The following MYH7 variants were observed in gnomAD, a reference collection of about 807,000 sequenced individuals.
MYH7 encodes the protein myosin-7.
MYH7 carries 129 observed loss-of-function variants against 225.4 expected under a neutral mutation model. The observed-to-expected ratio is 0.57, with a 90% CI of 0.50 to 0.66. The LOEUF (loss-of-function observed/expected upper bound fraction) is 0.66, where lower values mean the gene tolerates loss of function less well. Among genes scored for constraint, MYH7 ranks in the 30% least tolerant of loss-of-function variants. The pLI, the probability that MYH7 is intolerant of heterozygous loss-of-function variation, is 0.00. For synonymous variants in MYH7, 971 were observed against 1,007.6 expected (o/e 0.96, Z 0.69); for missense variants, 1,649 against 2,517.0 (o/e 0.66, Z 7.38).
intron 37 of MYH7, 61 bp downstream of exon 37, chr14:23,414,934 C>A: frequency 6.2e-7 from 1 of 1,600,414 alleles, no homozygotes; most frequent in Non-Finnish European, 8.5e-7. Flanking sequence ...TCATTCTCCT[C>A]AGCTGGTTGT....
At chr14:23,416,452 A>G (rs374672863) in intron 33 of MYH7, 140 bp from the exon 34 acceptor site, 21 of 973,480 alleles carry the variant, frequency 2.2e-5, no homozygotes, top group Admixed American at 8.4e-5. Context: ...GGAGGAAAAG[A>G]GAATCTAAGA....
chr14:23,430,184 G>A lies in MYH7; in HGVS notation c.1000-271C>T, dbSNP rs114902017. ...CTGAGTTACCCACTTATGCTTCCTGGCCCTACACTTGCTTCCTGCCTGGCC... is the reference window on the plus strand; with the variant it reads ...CTGAGTTACCCACTTATGCTTCCTGACCCTACACTTGCTTCCTGCCTGGCC... On this transcript the variant is annotated intron_variant, in intron 11 of 39. Coordinates refer to ENST00000355349, the MANE Select transcript of MYH7 (RefSeq NM_000257.4). Among the ~76,000 whole-genome samples the A allele has an allele frequency of 9.2e-3, 1,404 of 152,178 alleles. 20 individuals carry two copies. The highest frequency in any genetic ancestry group is 0.032 in the African/African-American group (1,334 of 41,524).
At position 23,433,630 on chromosome 14, in the gene MYH7, T is replaced by C; in HGVS notation, c.103A>G (p.Lys35Glu). The change falls in exon 3 of 40, where the codon AAG (lysine) becomes GAG (glutamate). Residue 35 changes from lysine to glutamate, a missense_variant. By Grantham distance (56) the Lys-to-Glu change is moderately conservative (BLOSUM62 1). Coordinates refer to ENST00000355349, the MANE Select transcript of MYH7 (RefSeq NM_000257.4). The surrounding 1 kb of genome is among the most constrained non-coding windows in gnomAD (Gnocchi z 4.1). ...EAQTRPFDLK[K>E]DVFVPDDKQE... ...TTGTCATCAGGCACGAAGACATCCT[T>C]CTTGAGGTCAAAAGGCCTGGTCTGC... 6.2e-7 allele frequency: 1 copy of C among 1,614,224 alleles called. No individual in the cohort carries two copies. The highest frequency in any genetic ancestry group is 8.5e-7 in the Non-Finnish European group (1 of 1,180,038).
Position 23,415,066 on chromosome 14 carries a change from G to A in MYH7, c.5488C>T (p.Gln1830Ter). ...TTCACCGACTCTGCGTTGCGCTTCT[G>A]CTCGGCCTCCAGCTCATTCTCCAGC... ...RELENELEAE[Q>*]KRNAESVKGM... The change falls in exon 37 of 40, where the codon CAG becomes TAG. Residue 1830 changes from glutamine to a stop codon, truncating the protein, a stop_gained. Transcript: ENST00000355349. LOFTEE classifies it high-confidence loss of function. The surrounding 1 kb of genome is among the most constrained non-coding windows in gnomAD (Gnocchi z 6.3). The A allele has an allele frequency of 6.2e-7, 1 of 1,613,294 alleles. No homozygotes were observed.
Position 23,430,422 on chromosome 14 carries a change from A to G in MYH7, c.999+138T>C, listed in dbSNP as rs1248590860. The G allele has an allele frequency of 4.1e-6, 3 of 732,942 alleles. No homozygotes were observed. In the Admixed American group the frequency reaches 6.0e-5, roughly 15 times the overall value. 45.4% of individuals were successfully genotyped at this position (732,942 alleles called of 1,614,324 possible). ...ATCCATTCCCCAGTACACCCTGATC[A>G]CAGGGCACATTCTGGCTCTCAGGAG... On this transcript the variant is annotated intron_variant, in intron 11 of 39. Transcript: ENST00000355349.
At position 23,416,981 on chromosome 14, in the gene MYH7, C is replaced by T. The variant is rs1219074705; in HGVS notation, c.4531G>A (p.Asp1511Asn). Residue 1511 changes from aspartate to asparagine, a missense_variant, in exon 33 of 40, where the codon GAC becomes AAC. Coordinates refer to ENST00000355349, the MANE Select transcript of MYH7 (RefSeq NM_000257.4). ...CTGGAACCCAACTGCTCAGTCAAGT[C>T]GGAGATCTCCTCTGTGTGGGGAACA... is the stretch of plus-strand genomic sequence containing the variant. ...ENKNLQEEIS[D>N]LTEQLGSSGK... 5.0e-6 allele frequency: 8 copies of T among 1,614,220 alleles called. No homozygotes were observed. Among genetic ancestry groups the T allele is most frequent in the East Asian group, 4.5e-5 (2 of 44,884 alleles).
At chr14:23,414,395 G>A (rs950369451) in intron 37 of MYH7, among the ~76,000 whole-genome samples, 1 of 152,160 alleles carries the variant, frequency 6.6e-6, no homozygotes, top group Non-Finnish European at 1.5e-5. Context: ...CATGCGGGAT[G>A]AAGTCCCCTG....
In MYH7 at chr14:23,415,683, C is replaced by T; in HGVS notation, c.5103G>A (p.Leu1701=). 7.4e-6 allele frequency: 12 copies of T among 1,614,148 alleles called. No individual in the cohort carries two copies. The highest frequency in any genetic ancestry group is 1.0e-5 in the Non-Finnish European group (12 of 1,180,048). ...TAGTCTCAATCAGCTCCTGCTCCGCCAGCTTCCGGGACCGCTCTGTCTGCT... is the reference window on the plus strand; with the variant it reads ...TAGTCTCAATCAGCTCCTGCTCCGCTAGCTTCCGGGACCGCTCTGTCTGCT... ...VVEQTERSRK[L]AEQELIETSE... is the part of the protein sequence containing the mutation. The change falls in exon 35 of 40, where the codon CTG becomes CTA. Residue 1701 remains leucine, a synonymous_variant. Transcript: ENST00000355349. The surrounding 1 kb of genome is among the most constrained non-coding windows in gnomAD (Gnocchi z 6.3).
Position 23,414,053 on chromosome 14 carries a change from T to G in MYH7, c.5609A>C (p.Lys1870Thr). 6.2e-7 allele frequency: 1 copy of G among 1,614,044 alleles called. No individual in the cohort carries two copies. Among genetic ancestry groups the G allele is most frequent in the Non-Finnish European group, 8.5e-7 (1 of 1,180,040 alleles). ...GTAGGCCTTGACCTTTAGCTGCAGCTTGTCTACCAGGTCCTGCAGCCGCAG... is the reference window on the plus strand; with the variant it reads ...GTAGGCCTTGACCTTTAGCTGCAGCGTGTCTACCAGGTCCTGCAGCCGCAG... ...NLLRLQDLVD[K>T]LQLKVKAYKR... Residue 1870 changes from lysine to threonine, a missense_variant, in exon 38 of 40, where the codon AAG (lysine) becomes ACG (threonine). Coordinates refer to ENST00000355349, the MANE Select transcript of MYH7 (RefSeq NM_000257.4).
Position 23,425,021 on chromosome 14 carries a change from G to C in MYH7, c.2427C>G (p.Asp809Glu). The change falls in exon 22 of 40, where the codon GAC becomes GAG. Residue 809 changes from aspartate (D) to glutamate (E), a missense_variant. By Grantham distance (45) the Asp-to-Glu change is conservative. Around this residue, in one of 12 missense-constraint regions of MYH7, gnomAD observed 36 missense variants for 43.2 expected, o/e 0.83. Coordinates refer to ENST00000355349, the MANE Select transcript of MYH7 (RefSeq NM_000257.4). The surrounding 1 kb of genome is among the most constrained non-coding windows in gnomAD (Gnocchi z 4.6). ...MEYKKLLERR[D>E]SLLVIQWNIR... ...TGTTCCACTGGATTACCAGCAGGGAGTCTCTGCAGGGGCCCATTGAAAGGA... is the reference window on the plus strand; with the variant it reads ...TGTTCCACTGGATTACCAGCAGGGACTCTCTGCAGGGGCCCATTGAAAGGA... 6.2e-7 allele frequency: 1 copy of C among 1,614,216 alleles called. No homozygotes were observed. Among genetic ancestry groups the C allele is most frequent in the Non-Finnish European group, 8.5e-7 (1 of 1,180,044 alleles).
At chr14:23,427,177 G>C in intron 17 of MYH7, 63 bp downstream of exon 17, 1 of 1,524,732 alleles carries the variant, frequency 6.6e-7, no homozygotes, top group South Asian at 1.1e-5. Context: ...GGCAGGGAAG[G>C]GTGGGGCTGG....
chr14:23,426,466 G>A (rs752141361), intron 18 of MYH7, among the ~76,000 whole-genome samples: 1 of 152,148 alleles, frequency 6.6e-6, no homozygotes, highest in East Asian at 1.9e-4. Flanking sequence ...TCTCATTGGG[G>A]GATTAAGTGG....
In MYH7 at chr14:23,423,990, A is replaced by G. The variant is rs2138663468; in HGVS notation, c.2839T>C (p.Cys947Arg). 6.2e-7 allele frequency: 1 copy of G among 1,614,124 alleles called. No homozygotes were observed. The highest frequency in any genetic ancestry group is 1.1e-5 in the South Asian group (1 of 91,084). The change falls in exon 23 of 40, where the codon TGC (cysteine) becomes CGC (arginine). Residue 947 changes from cysteine (C) to arginine (R), a missense_variant. Around this residue, in one of 12 missense-constraint regions of MYH7, gnomAD observed 282 missense variants for 315.3 expected, o/e 0.89. Coordinates refer to ENST00000355349, the MANE Select transcript of MYH7 (RefSeq NM_000257.4). ...TCGATGTCCCTTTTGAGCTCTGAGC[A>G]CTCATCTTCCAGCTTGCGCTTCTTG... ...TAKKRKLEDE[C>R]SELKRDIDDL...
intron 8 of MYH7, 38 bp downstream of exon 8, chr14:23,431,547 C>T (rs772293473): frequency 6.2e-7 from 1 of 1,613,954 alleles, no homozygotes. Context: ...ATTCCTCCAC[C>T]AGTCCAAGTC....
At chr14:23,429,939 AC>A in intron 11 of MYH7, 26 bp from the exon 12 acceptor site, 1 of 1,613,454 alleles carries the variant, frequency 6.2e-7, no homozygotes. Flanking sequence ...ATATTGGCGG[AC>A]CCCAGAAAAA....
intron 39 of MYH7, among the ~76,000 whole-genome samples, 193 bp downstream of exon 39, chr14:23,413,566 C>CAAAAA (rs4048657): frequency 9.1e-6 from 1 of 109,756 alleles, no homozygotes; most frequent in Non-Finnish European, 2.0e-5. Flanking sequence ...GACACCGTCT[C>CAAAAA]AAAAAAAAAA....
intron 32 of MYH7, 24 bp from the exon 33 acceptor site, chr14:23,417,016 G>T (rs373325593): frequency 6.2e-7 from 1 of 1,614,058 alleles, no homozygotes; most frequent in Admixed American, 1.7e-5. Flanking sequence ...ACGGTAACTC[G>T]GTTGAGGGCT....
Position 23,430,907 on chromosome 14 carries a change from G to T in MYH7, c.889C>A (p.Leu297Met). The T allele has an allele frequency of 6.2e-7, 1 of 1,612,038 alleles. No individual in the cohort carries two copies. The highest frequency in any genetic ancestry group is 8.5e-7 in the Non-Finnish European group (1 of 1,178,076). Residue 297 changes from leucine to methionine, a missense_variant, in exon 10 of 40, where the codon CTG becomes ATG. Physicochemically the swap from Leu to Met is conservative, Grantham distance 15. Transcript: ENST00000355349. ...GTCGGTGGCTCTGACTCACCCAGCA[G>T]CTCAGGCTTTTTGTTAGACAGGATT... is the stretch of plus-strand genomic sequence containing the variant. ...YQILSNKKPE[L>M]LDMLLITNNP...
Position 23,425,193 on chromosome 14 carries a change from G to A in MYH7, c.2423+89C>T. 2 of 1,608,422 alleles carry A rather than the reference G, an allele frequency of 1.2e-6. No individual in the cohort carries two copies. Among genetic ancestry groups the A allele is most frequent in the Non-Finnish European group, 1.7e-6 (2 of 1,175,688 alleles). ...GCCCCTCCTGCAGGTCTCTGTGTTT[G>A]AAGATCTGCTGAGCTTTTTTTCCTG... On this transcript the variant is annotated intron_variant, in intron 21 of 39. Transcript: ENST00000355349. The surrounding 1 kb of genome is among the most constrained non-coding windows in gnomAD (Gnocchi z 4.6).
Sources: allele counts gnomAD v4.1 joint callset (sites outside exome capture counted in the v4.1 genomes callset), GRCh38; gene constraint gnomAD v4.1.1; regional missense constraint gnomAD v4.1.1; non-coding constraint Gnocchi (gnomAD v3.1); transcripts MANE v1.5; gene names NCBI Gene and HGNC (gene_info 2026-07-23, HGNC 2026-07-21).